CEP128: variants seen among roughly 807,000 people sequenced by gnomAD.
CEP128 encodes the protein centrosomal protein 128kDa.
A neutral mutation model predicts 156.7 loss-of-function variants in CEP128; 132 were observed. The observed-to-expected ratio is 0.84, with a 90% CI of 0.73 to 0.97. CEP128 has a LOEUF of 0.97. CEP128 is among the 50% of genes least tolerant of loss of function. The pLI is 0.00. For missense variants in CEP128, 1,252 were observed against 1,281.9 expected (o/e 0.98, Z 0.36); for synonymous variants, 469 against 448.9 (o/e 1.04, Z -0.57).
chr14:80,578,260 G>T (rs1201918941), intron 20 of CEP128, among the ~76,000 whole-genome samples: 1 of 152,132 alleles, frequency 6.6e-6, no homozygotes, highest in African/African-American at 2.4e-5. Context: ...GGTGTGCACA[G>T]AATTGGTGCT....
At chr14:80,882,413 C>A (rs892797105) in intron 8 of CEP128, among the ~76,000 whole-genome samples, 1 of 151,968 alleles carries the variant, frequency 6.6e-6, no homozygotes, top group Admixed American at 6.6e-5. Flanking sequence ...AAAAGACAGA[C>A]AATAACAAAT....
At chr14:80,694,624 T>C (rs1396920601) in intron 19 of CEP128, among the ~76,000 whole-genome samples, 1 of 152,022 alleles carries the variant, frequency 6.6e-6, no homozygotes, top group Non-Finnish European at 1.5e-5. Context: ...CTGGAAGCCA[T>C]CATTCTCAGC....
At chr14:80,591,269 C>A (rs1026509286) in intron 19 of CEP128, among the ~76,000 whole-genome samples, 1 of 151,282 alleles carries the variant, frequency 6.6e-6, no homozygotes, top group Non-Finnish European at 1.5e-5. Context: ...ACCCATCTCA[C>A]GTACAAAGAC....
chr14:80,798,326 G>C (rs34052204), intron 13 of CEP128, among the ~76,000 whole-genome samples: 1 of 152,206 alleles, frequency 6.6e-6, no homozygotes, highest in African/African-American at 2.4e-5. Context: ...ATTTATTAAA[G>C]AGGAAAGAAA....
At chr14:80,837,625 A>G (rs890981539) in intron 11 of CEP128, among the ~76,000 whole-genome samples, 2 of 152,238 alleles carry the variant, frequency 1.3e-5, no homozygotes, top group Admixed American at 6.5e-5. Context: ...CTGAGGCAGG[A>G]GAATCGCTTG....
intron 14 of CEP128, among the ~76,000 whole-genome samples, chr14:80,792,220 G>A (rs933179244): frequency 2.0e-5 from 3 of 152,322 alleles, no homozygotes; most frequent in East Asian, 3.9e-4. Flanking sequence ...GCAAAGTCTT[G>A]AAGAGGGTTG....
intron 13 of CEP128, 29 bp downstream of exon 13, chr14:80,831,114 C>T (rs764296274): frequency 1.4e-5 from 23 of 1,600,522 alleles, no homozygotes; most frequent in African/African-American, 2.7e-5. Flanking sequence ...TAAAATATTT[C>T]GAATATGACT....
intron 19 of CEP128, among the ~76,000 whole-genome samples, chr14:80,707,955 T>C (rs959158112): frequency 5.9e-5 from 9 of 152,182 alleles, no homozygotes; most frequent in Middle Eastern, 3.2e-3. Flanking sequence ...AAGTCAAAAA[T>C]AGGTATAGTA....
chr14:80,545,170 G>C (rs1209457100), intron 21 of CEP128, among the ~76,000 whole-genome samples: 2 of 152,178 alleles, frequency 1.3e-5, no homozygotes, highest in African/African-American at 2.4e-5. Context: ...CAAACAAGAA[G>C]TACTTGTCCC....
chr14:80,568,147 T>C (rs1890994973), intron 20 of CEP128, among the ~76,000 whole-genome samples: 1 of 152,174 alleles, frequency 6.6e-6, no homozygotes, highest in African/African-American at 2.4e-5. Context: ...TGACTGCCAC[T>C]GAATATAGTT....
chr14:80,655,769 G>A (rs1420907117), intron 19 of CEP128, among the ~76,000 whole-genome samples: 1 of 152,122 alleles, frequency 6.6e-6, no homozygotes, highest in African/African-American at 2.4e-5. Flanking sequence ...CTACTTGGGA[G>A]GAATCTGTCT....
intron 15 of CEP128, among the ~76,000 whole-genome samples, chr14:80,781,865 T>G (rs191829091): frequency 1.3e-5 from 2 of 152,196 alleles, no homozygotes; most frequent in African/African-American, 4.8e-5. Context: ...ATCTTGAACA[T>G]GCTCTAACTG....
chr14:80,524,273 C>G (rs1888878868), intron 23 of CEP128, among the ~76,000 whole-genome samples: 1 of 152,138 alleles, frequency 6.6e-6, no homozygotes, highest in Non-Finnish European at 1.5e-5. Context: ...TTCAGTAGAA[C>G]CAGTGAACTC....
chr14:80,691,125 T>C (rs1018027172), intron 19 of CEP128, among the ~76,000 whole-genome samples: 12 of 152,224 alleles, frequency 7.9e-5, no homozygotes, highest in Non-Finnish European at 1.6e-4. Context: ...GAAACCAGTA[T>C]GTTAATTTTA....
chr14:80,618,882 G>A (rs925958190), intron 19 of CEP128, among the ~76,000 whole-genome samples: 1 of 152,168 alleles, frequency 6.6e-6, no homozygotes, highest in African/African-American at 2.4e-5. Context: ...TACATTCCCA[G>A]GTAATGCTGA....
At chr14:80,557,288 A>G (rs1890475418) in intron 21 of CEP128, among the ~76,000 whole-genome samples, 1 of 152,210 alleles carries the variant, frequency 6.6e-6, no homozygotes, top group South Asian at 2.1e-4. Flanking sequence ...ATAAGAAGTA[A>G]CAAGCAATCG....
chr14:80,488,612 G>A (rs1887224480), downstream of CEP128, among the ~76,000 whole-genome samples: 1 of 152,064 alleles, frequency 6.6e-6, no homozygotes, highest in Non-Finnish European at 1.5e-5. Context: ...AATACGGTTT[G>A]ACCCAGCCAT....
intron 16 of CEP128, among the ~76,000 whole-genome samples, chr14:80,763,849 A>G (rs1900092229): frequency 6.6e-6 from 1 of 152,162 alleles, no homozygotes; most frequent in African/African-American, 2.4e-5. Flanking sequence ...CTTGGAGGCT[A>G]CTGAGGTGTC....
intron 19 of CEP128, among the ~76,000 whole-genome samples, chr14:80,662,919 T>C (rs1895460784): frequency 6.6e-6 from 1 of 152,224 alleles, no homozygotes; most frequent in Non-Finnish European, 1.5e-5. Context: ...CCAGTGCAAC[T>C]GAGGCACTGA....
Sources: gnomAD v4.1 joint callset for allele counts (sites outside exome capture counted in the v4.1 genomes callset) on GRCh38, gnomAD v4.1.1 for gene constraint, MANE v1.5 for transcripts, NCBI Gene and HGNC (gene_info 2026-07-23, HGNC 2026-07-21) for gene names.